The following CPED1 variants were observed in gnomAD, a reference collection of about 807,000 sequenced individuals.
CPED1 encodes cadherin-like and PC-esterase domain-containing protein 1.
CPED1 carries 114 observed loss-of-function variants against 128.2 expected under a neutral mutation model. The ratio of observed to expected loss-of-function variants is 0.89; its 90% confidence interval spans 0.76 to 1.04. The LOEUF is 1.04. Among genes scored for constraint, CPED1 ranks in the 50% least tolerant of loss-of-function variants. CPED1 has a pLI of 0.00. For synonymous variants in CPED1, 462 were observed against 426.7 expected, an observed-to-expected ratio of 1.08 and a Z score of -1.02; for missense variants, 1,211 against 1,207.1, an observed-to-expected ratio of 1.00 and a Z score of -0.05.
intron 7 of CPED1, among the ~76,000 whole-genome samples, chr7:121,115,351 C>G (rs1350971448): frequency 6.6e-6 from 1 of 152,142 alleles, no homozygotes; most frequent in Non-Finnish European, 1.5e-5. Context: ...CAGCAGAGAG[C>G]TGTCATAAAT....
rs1420964450 is a variant in CPED1 at position 121,241,150 on chromosome 7, C to T, written c.2174-3052C>T. Among the ~76,000 whole-genome samples, 2 of 57,246 alleles carry T rather than the reference C, an allele frequency of 3.5e-5. 1 individual carries two copies. Among genetic ancestry groups the T allele is most frequent in the Non-Finnish European group, 8.1e-5 (2 of 24,632 alleles). 37.6% of individuals were successfully genotyped at this position (57,246 alleles called of 152,430 possible). On this transcript the variant is annotated intron_variant, in intron 17 of 22. Coordinates refer to ENST00000310396, the MANE Select transcript of CPED1 (RefSeq NM_024913.5). The stretch of plus-strand genomic sequence containing the variant: ...CGAGGTCAGGAGATCGAGACCATCC[C>T]GGCTAAAACGGTGAAACCCCGTCTC...
At chr7:121,082,135 T>G (rs1448662271) in intron 5 of CPED1, among the ~76,000 whole-genome samples, 2 of 152,198 alleles carry the variant, frequency 1.3e-5, no homozygotes, top group African/African-American at 4.8e-5. Context: ...GTCATGCAAC[T>G]TTGGGAAAAG....
intron 3 of CPED1, among the ~76,000 whole-genome samples, chr7:121,040,626 C>T (rs1209900749): frequency 1.3e-5 from 2 of 151,862 alleles, no homozygotes; most frequent in Admixed American, 6.6e-5. Flanking sequence ...CAGGTAAATA[C>T]TTTGTTATTT....
intron 16 of CPED1, among the ~76,000 whole-genome samples, chr7:121,167,996 G>C (rs1011376825): frequency 1.3e-5 from 2 of 152,138 alleles, no homozygotes; most frequent in Non-Finnish European, 1.5e-5. Context: ...GCCTCCCAAA[G>C]TGCTGAGATT....
intron 4 of CPED1, among the ~76,000 whole-genome samples, chr7:121,055,233 GTTTAAC>G (rs980938419): frequency 6.6e-6 from 1 of 152,002 alleles, no homozygotes; most frequent in African/African-American, 2.4e-5. Flanking sequence ...GTAAATACAT[GTTTAAC>G]TTTAAGAAAC....
intron 12 of CPED1, among the ~76,000 whole-genome samples, chr7:121,132,761 T>A (rs1795702376): frequency 6.6e-6 from 1 of 152,054 alleles, no homozygotes; most frequent in Non-Finnish European, 1.5e-5. Context: ...TGCCTTTACA[T>A]ACAGTGTCTC....
intron 5 of CPED1, among the ~76,000 whole-genome samples, chr7:121,084,577 G>C (rs1170203904): frequency 6.6e-6 from 1 of 152,158 alleles, no homozygotes; most frequent in Non-Finnish European, 1.5e-5. Context: ...CAGCTCTGGA[G>C]AAAGTCACAA....
chr7:121,292,452 G>A (rs569695354), intron 22 of CPED1, among the ~76,000 whole-genome samples: 2 of 151,876 alleles, frequency 1.3e-5, no homozygotes, highest in African/African-American at 2.4e-5. Context: ...CTTTGCATTC[G>A]GTTAGAACAT....
intron 16 of CPED1, among the ~76,000 whole-genome samples, chr7:121,144,156 C>T (rs1461757987): frequency 6.6e-6 from 1 of 151,996 alleles, no homozygotes; most frequent in Non-Finnish European, 1.5e-5. Context: ...AAAAATACAA[C>T]TACTGTGTAA....
intron 4 of CPED1, among the ~76,000 whole-genome samples, chr7:121,060,827 G>A (rs761604224): frequency 6.6e-6 from 1 of 152,152 alleles, no homozygotes; most frequent in South Asian, 2.1e-4. Context: ...GTTCTTTTGC[G>A]CTTTGCAATA....
At chr7:121,025,906 G>A (rs1006762834) in intron 3 of CPED1, among the ~76,000 whole-genome samples, 14 of 152,130 alleles carry the variant, frequency 9.2e-5, no homozygotes, top group African/African-American at 3.1e-4. Context: ...TTTGATTTGT[G>A]TGTCCTACCG....
chr7:120,989,498 A>G lies in CPED1; in HGVS notation c.-124A>G, dbSNP rs368713267. ...CCTTTTGGAAAATTCTTAAGCAGGG[A>G]TGAAGCAAACTTGATTGGAGTTGGG... On this transcript the variant is annotated 5_prime_UTR_variant, in exon 2 of 23. An upstream start codon of the reference 5' UTR is lost. Transcript: ENST00000310396. The G allele has an allele frequency of 1.8e-4, 235 of 1,302,264 alleles. 1 individual carries two copies. In the South Asian group the frequency reaches 2.5e-3, roughly 14 times the overall value. The allele number at this position is 1,302,264 out of a possible 1,614,324, so 80.7% of individuals were successfully genotyped here.
At chr7:121,083,122 C>CT (rs1194001556) in intron 5 of CPED1, among the ~76,000 whole-genome samples, 3 of 152,124 alleles carry the variant, frequency 2.0e-5, no homozygotes, top group Admixed American at 6.6e-5. Flanking sequence ...CACTCTCCTC[C>CT]TTGAGGGTCC....
At chr7:121,047,715 CTTTT>C (rs530980600) in intron 4 of CPED1, among the ~76,000 whole-genome samples, 51 of 75,946 alleles carry the variant, frequency 6.7e-4, no homozygotes, top group African/African-American at 2.8e-3. Context: ...TCTTCTTCTT[CTTTT>C]TTTTTTTTTG....
intron 16 of CPED1, among the ~76,000 whole-genome samples, chr7:121,192,005 G>T (rs1372042161): frequency 6.6e-6 from 1 of 152,102 alleles, no homozygotes; most frequent in African/African-American, 2.4e-5. Flanking sequence ...ATCTTGTGCA[G>T]TGATCCCATT....
At chr7:121,136,442 C>T (rs563558502) in intron 14 of CPED1, among the ~76,000 whole-genome samples, 2 of 151,944 alleles carry the variant, frequency 1.3e-5, no homozygotes, top group Non-Finnish European at 2.9e-5. Context: ...TCTTTCTCAC[C>T]AGATTGTTGC....
Position 121,097,786 on chromosome 7 carries a change from T to C in CPED1, c.704T>C (p.Val235Ala), listed in dbSNP as rs772931408. ...PSTSSHLLKT[V>A]KPRVWKPGDW... ...ACTTCGAGTCACCTTTTAAAAACAG[T>C]GAAGCCACGTGTGTGGAAACCAGGG... The change falls in exon 6 of 23, where the codon GTG (valine) becomes GCG (alanine). Residue 235 changes from valine to alanine, a missense_variant. By Grantham distance (64) the Val-to-Ala change is moderately conservative. Coordinates refer to ENST00000310396, the MANE Select transcript of CPED1 (RefSeq NM_024913.5). The C allele has an allele frequency of 6.2e-7, 1 of 1,613,812 alleles. No individual in the cohort carries two copies. Among genetic ancestry groups the C allele is most frequent in the Non-Finnish European group, 8.5e-7 (1 of 1,179,788 alleles).
At chr7:121,223,230 A>C (rs1247671966) in intron 16 of CPED1, among the ~76,000 whole-genome samples, 1 of 152,000 alleles carries the variant, frequency 6.6e-6, no homozygotes, top group Non-Finnish European at 1.5e-5. Context: ...TGTTTTTGTC[A>C]TTGGTTCTGT....
rs1252527690 is a variant in CPED1, at chr7:121,224,839, C to T, written c.2056-11875C>T. On this transcript the variant is annotated intron_variant, in intron 16 of 22. Transcript: ENST00000310396. Reference sequence around the variant, plus strand: ...TCTATTTGCTTGGTAAATATTCCTCCATCCCTTTATTTTGATCCTATGTGT... The same window carrying T: ...TCTATTTGCTTGGTAAATATTCCTCTATCCCTTTATTTTGATCCTATGTGT... Among the ~76,000 whole-genome samples, 5 of 130,442 alleles carry T rather than the reference C, an allele frequency of 3.8e-5. No individual in the cohort carries two copies. In the East Asian group the frequency reaches 1.0e-3, roughly 26 times the overall value. The allele number at this position is 130,442 out of a possible 152,430, so 85.6% of individuals were successfully genotyped here. A position where few individuals can be genotyped will look rare whatever the true frequency, so the allele number is the denominator to read the frequency against.
Sources: gnomAD v4.1 joint callset for allele counts (sites outside exome capture counted in the v4.1 genomes callset) on GRCh38, gnomAD v4.1.1 for gene constraint, MANE v1.5 for transcripts, NCBI Gene and HGNC (gene_info 2026-07-23, HGNC 2026-07-21) for gene names.